The following SORCS3 variants were observed in gnomAD, a reference collection of about 807,000 sequenced individuals.
SORCS3 encodes the protein sortilin related VPS10 domain containing receptor 3.
SORCS3 carries 57 observed loss-of-function variants against 146.3 expected under a neutral mutation model. The ratio of observed to expected loss-of-function variants is 0.39; its 90% CI spans 0.31 to 0.49. The LOEUF is 0.49. Among genes scored for constraint, SORCS3 ranks in the 20% least tolerant of loss-of-function variants. The pLI is 0.92. For missense variants in SORCS3, 1,341 were observed against 1,575.5 expected (o/e 0.85, Z 2.52); for synonymous variants, 653 against 618.5 (o/e 1.06, Z -0.83).
At chr10:104,778,998 C>A (rs2017343207) in intron 1 of SORCS3, among the ~76,000 whole-genome samples, 1 of 152,146 alleles carries the variant, frequency 6.6e-6, no homozygotes, top group African/African-American at 2.4e-5. Context: ...TGGGCCTGAT[C>A]TAATCACAGG....
At chr10:105,063,190 A>G (rs1204999678) in intron 5 of SORCS3, among the ~76,000 whole-genome samples, 1 of 152,166 alleles carries the variant, frequency 6.6e-6, no homozygotes, top group Non-Finnish European at 1.5e-5. Flanking sequence ...ACTCCCGATG[A>G]TTTATGAGGC....
intron 1 of SORCS3, among the ~76,000 whole-genome samples, chr10:104,645,131 A>G (rs1441899540): frequency 1.3e-5 from 2 of 152,178 alleles, no homozygotes; most frequent in Admixed American, 6.5e-5. Context: ...CCTCTTGACC[A>G]TGTTGCCTGC....
intron 22 of SORCS3, among the ~76,000 whole-genome samples, chr10:105,250,288 C>A (rs1490412924): frequency 6.6e-6 from 1 of 152,018 alleles, no homozygotes; most frequent in Non-Finnish European, 1.5e-5. Context: ...GTGGGGGGTG[C>A]AAAAACATTC....
At chr10:104,776,923 A>C (rs1334958467) in intron 1 of SORCS3, among the ~76,000 whole-genome samples, 1 of 147,238 alleles carries the variant, frequency 6.8e-6, no homozygotes, top group Non-Finnish European at 1.5e-5. Flanking sequence ...TTACTTTGTT[A>C]TGTGATGACA....
At chr10:105,133,430 A>C (rs552736194) in intron 7 of SORCS3, among the ~76,000 whole-genome samples, 1 of 152,144 alleles carries the variant, frequency 6.6e-6, no homozygotes, top group Non-Finnish European at 1.5e-5. Flanking sequence ...AGAGTTGGAG[A>C]GCCCAGGTTT....
intron 5 of SORCS3, among the ~76,000 whole-genome samples, chr10:105,051,305 G>A (rs1282227560): frequency 3.3e-5 from 5 of 152,100 alleles, no homozygotes. Context: ...GCAGCTGTGG[G>A]TGGAGGATGA....
At chr10:104,892,641 T>C (rs2018759937) in intron 2 of SORCS3, among the ~76,000 whole-genome samples, 1 of 152,112 alleles carries the variant, frequency 6.6e-6, no homozygotes, top group Non-Finnish European at 1.5e-5. Context: ...GAGAATCACT[T>C]GTACCCGGGA....
intron 1 of SORCS3, among the ~76,000 whole-genome samples, chr10:104,780,441 C>A (rs1423805934): frequency 1.3e-5 from 2 of 152,192 alleles, no homozygotes; most frequent in African/African-American, 4.8e-5. Context: ...ACCACGCATA[C>A]TCGGCCCCCT....
intron 5 of SORCS3, among the ~76,000 whole-genome samples, chr10:105,076,553 C>G (rs975403105): frequency 6.6e-6 from 1 of 152,166 alleles, no homozygotes; most frequent in African/African-American, 2.4e-5. Context: ...ATGCTGGGTG[C>G]ACAGGCAGCC....
At chr10:105,038,193 G>A (rs1427708323) in intron 4 of SORCS3, among the ~76,000 whole-genome samples, 4 of 152,184 alleles carry the variant, frequency 2.6e-5, no homozygotes, top group Non-Finnish European at 5.9e-5. Context: ...TCATGTGGCA[G>A]GATATGGAAG....
At chr10:104,799,245 G>GT (rs1406878504) in intron 1 of SORCS3, among the ~76,000 whole-genome samples, 2 of 152,108 alleles carry the variant, frequency 1.3e-5, no homozygotes, top group Non-Finnish European at 2.9e-5. Flanking sequence ...ACATACACAC[G>GT]TATGTTTATT....
intron 2 of SORCS3, among the ~76,000 whole-genome samples, chr10:104,886,527 C>T (rs1429521259): frequency 1.3e-5 from 2 of 151,302 alleles, no homozygotes; most frequent in Non-Finnish European, 2.9e-5. Flanking sequence ...AAAATATATA[C>T]AGTTGTGTAT....
chr10:104,852,062 C>T (rs1308110172), intron 2 of SORCS3, among the ~76,000 whole-genome samples: 3 of 152,228 alleles, frequency 2.0e-5, no homozygotes, highest in Admixed American at 6.5e-5. Flanking sequence ...GAGCTGTCTT[C>T]CAATACATAA....
At chr10:104,760,918 T>C (rs1004480605) in intron 1 of SORCS3, among the ~76,000 whole-genome samples, 8 of 152,144 alleles carry the variant, frequency 5.3e-5, no homozygotes, top group Non-Finnish European at 1.2e-4. Flanking sequence ...TTTTTTTTTT[T>C]TTCTCCATTT....
chr10:104,675,735 C>T (rs2015905537), intron 1 of SORCS3, among the ~76,000 whole-genome samples: 1 of 152,160 alleles, frequency 6.6e-6, no homozygotes, highest in East Asian at 1.9e-4. Flanking sequence ...ATCCTAATAC[C>T]AACATCACAC....
At chr10:105,023,057 T>G (rs2055207252) in intron 4 of SORCS3, among the ~76,000 whole-genome samples, 1 of 152,166 alleles carries the variant, frequency 6.6e-6, no homozygotes, top group South Asian at 2.1e-4. Flanking sequence ...CCTTTTCCAC[T>G]ACCTGCCTCT....
chr10:105,242,638 TTA>T (rs374501536), intron 20 of SORCS3, among the ~76,000 whole-genome samples: 5,742 of 95,532 alleles, frequency 0.06, 322 homozygotes, highest in Middle Eastern at 0.11. Context: ...TTATATACAT[TTA>T]TATATATATT....
chr10:104,943,985 C>T (rs72815679), intron 3 of SORCS3, among the ~76,000 whole-genome samples: 4,047 of 152,152 alleles, frequency 0.027, 71 homozygotes, highest in Admixed American at 0.042. Context: ...GTGGCATGGT[C>T]ATAGCTCACT....
rs542785289 is a variant in SORCS3, at chr10:104,859,543, T to G, written c.695+16684T>G. 6.6e-3 allele frequency among the ~76,000 whole-genome samples: 1,000 copies of G among 152,154 alleles called. 9 individuals are homozygous for G. The highest frequency in any genetic ancestry group is 0.022 in the African/African-American group (897 of 41,488). Reference sequence around the variant, plus strand: ...CATGTCTAAAACACCAAAAGCAATGTCAACAAAAGCCAAAATTGACAAATG... The same window carrying G: ...CATGTCTAAAACACCAAAAGCAATGGCAACAAAAGCCAAAATTGACAAATG... On this transcript the variant is annotated intron_variant, in intron 2 of 26. Transcript: ENST00000369701.
Sources: gnomAD v4.1 joint callset for allele counts (sites outside exome capture counted in the v4.1 genomes callset) on GRCh38, gnomAD v4.1.1 for gene constraint, MANE v1.5 for transcripts, NCBI Gene and HGNC (gene_info 2026-07-23, HGNC 2026-07-21) for gene names.